PTPRG: variants seen among roughly 807,000 people sequenced by gnomAD.
PTPRG encodes receptor-type tyrosine-protein phosphatase gamma.
A neutral mutation model predicts 165.3 loss-of-function variants in PTPRG; 102 were observed. That is an observed-to-expected ratio of 0.62 (90% CI 0.53 to 0.73). The LOEUF (loss-of-function observed/expected upper bound fraction) is 0.73. Ranked by LOEUF, PTPRG falls within the 30% of genes least tolerant of loss-of-function variation. The pLI is 0.00. For synonymous variants in PTPRG, 675 were observed against 669.5 expected, an observed-to-expected ratio of 1.01 and a Z score of -0.13; for missense variants, 1,866 against 1,861.4, an observed-to-expected ratio of 1.00 and a Z score of -0.05.
At chr3:61,995,328 A>G (rs903571423) in intron 3 of PTPRG, among the ~76,000 whole-genome samples, 1 of 151,902 alleles carries the variant, frequency 6.6e-6, no homozygotes, top group African/African-American at 2.4e-5. Context: ...GCCTCAAGCA[A>G]TCTGCCCCAC....
chr3:62,006,094 A>G (rs1482807579), intron 4 of PTPRG, among the ~76,000 whole-genome samples: 1 of 152,162 alleles, frequency 6.6e-6, no homozygotes, highest in East Asian at 1.9e-4. Flanking sequence ...GAAGCTAATT[A>G]GAAATGGCAG....
In PTPRG at chr3:62,282,852, C is replaced by T. The variant is rs1199413316; in HGVS notation, c.4038C>T (p.Pro1346=). ...AAGAGGCCTTAACAAGGGATGGTCC[C>T]ACCATTGTTCATGATGAGTATGTAT... ...IKEEALTRDG[P]TIVHDEYGAV... is the part of the protein sequence containing the mutation. The change falls in exon 28 of 30, where the codon CCC becomes CCT. Residue 1346 remains proline, a synonymous_variant. Coordinates refer to ENST00000474889, the MANE Select transcript of PTPRG (RefSeq NM_002841.4). 4 of 1,608,306 alleles carry T rather than the reference C, an allele frequency of 2.5e-6. No individual in the cohort carries two copies. Among genetic ancestry groups the T allele is most frequent in the African/African-American group, 2.7e-5 (2 of 74,536 alleles).
rs1700402716 is a variant in PTPRG, at chr3:62,213,070, A to G, written c.2156-5781A>G. Among the ~76,000 whole-genome samples the G allele has an allele frequency of 6.6e-6, 1 of 152,188 alleles. No individual in the cohort carries two copies. Among genetic ancestry groups the G allele is most frequent in the African/African-American group, 2.4e-5 (1 of 41,462 alleles). ...CATGGAGGGAAGCAAACCCCCAGTA[A>G]CTGGGCAGCTCAGTTCTGCTGGACC... On this transcript the variant is annotated intron_variant, in intron 12 of 29. Coordinates refer to ENST00000474889, the MANE Select transcript of PTPRG (RefSeq NM_002841.4). The surrounding 1 kb of genome is among the most constrained non-coding windows in gnomAD (Gnocchi z 4.4).
rs1241805114 is a variant in PTPRG at position 62,195,650 on chromosome 3, G to T, written c.1327+480G>T. ...TTGAGATTCCTGGATCTAGATAGATGGTCCTGATGACTTAGGGACTAATAG... is the reference window on the plus strand; with the variant it reads ...TTGAGATTCCTGGATCTAGATAGATTGTCCTGATGACTTAGGGACTAATAG... On this transcript the variant is annotated intron_variant, in intron 10 of 29. Coordinates refer to ENST00000474889, the MANE Select transcript of PTPRG (RefSeq NM_002841.4). The surrounding 1 kb of genome is among the most constrained non-coding windows in gnomAD (Gnocchi z 4.4). Among the ~76,000 whole-genome samples, 2 of 152,154 alleles carry T rather than the reference G, an allele frequency of 1.3e-5. No homozygotes were observed. Among genetic ancestry groups the T allele is most frequent in the Non-Finnish European group, 2.9e-5 (2 of 68,042 alleles).
chr3:62,126,734 G>T (rs964912695), intron 5 of PTPRG, among the ~76,000 whole-genome samples: 1 of 152,190 alleles, frequency 6.6e-6, no homozygotes, highest in African/African-American at 2.4e-5. Context: ...ATCCACACTT[G>T]GTTACTCATC....
chr3:62,078,246 C>A lies in PTPRG; in HGVS notation c.603C>A (p.Ala201=). The A allele has an allele frequency of 6.3e-7, 1 of 1,591,916 alleles. No individual in the cohort carries two copies. The highest frequency in any genetic ancestry group is 1.2e-5 in the South Asian group (1 of 86,882). Reference sequence around the variant, plus strand: ...AGAACAGAATAATCGGAGCCATGGCCATATTTTTTCAAGTAAGTTAACAGT... The same window carrying A: ...AGAACAGAATAATCGGAGCCATGGCAATATTTTTTCAAGTAAGTTAACAGT... ...ISENRIIGAM[A]IFFQVSPRDN... Residue 201 remains alanine, a synonymous_variant, in exon 5 of 30, where the codon GCC becomes GCA. Coordinates refer to ENST00000474889, the MANE Select transcript of PTPRG (RefSeq NM_002841.4).
Position 61,735,033 on chromosome 3 carries a change from A to G in PTPRG, c.86-13845A>G, listed in dbSNP as rs73099196. Among the ~76,000 whole-genome samples, 668 of 152,268 alleles carry G rather than the reference A, an allele frequency of 4.4e-3. 4 individuals carry two copies. Among genetic ancestry groups the G allele is most frequent in the South Asian group, 0.013 (64 of 4,816 alleles). On this transcript the variant is annotated intron_variant, in intron 1 of 29. Coordinates refer to ENST00000474889, the MANE Select transcript of PTPRG (RefSeq NM_002841.4). ...AAAAAAGAGAAAGGAAACAAACCCC[A>G]CTTTTTTAATAGCTGCAGTTTCTTC...
chr3:61,991,851 G>T (rs1344577275), intron 3 of PTPRG, among the ~76,000 whole-genome samples: 2 of 152,168 alleles, frequency 1.3e-5, no homozygotes, highest in African/African-American at 2.4e-5. Context: ...TTTCAGCTTC[G>T]TATCACCAAT....
intron 1 of PTPRG, among the ~76,000 whole-genome samples, chr3:61,562,764 TG>T (rs1204004237): frequency 6.6e-6 from 1 of 151,664 alleles, no homozygotes; most frequent in African/African-American, 2.4e-5. Context: ...TCTGTGGGTT[TG>T]GGGGGCCCGG....
intron 1 of PTPRG, among the ~76,000 whole-genome samples, chr3:61,649,497 A>G (rs1037639834): frequency 3.3e-5 from 5 of 152,184 alleles, no homozygotes; most frequent in Non-Finnish European, 7.3e-5. Flanking sequence ...CAGAAGTGGA[A>G]AAACAAGTGA....
intron 6 of PTPRG, among the ~76,000 whole-genome samples, chr3:62,138,048 C>G (rs760535610): frequency 3.3e-5 from 5 of 152,210 alleles, no homozygotes; most frequent in Non-Finnish European, 5.9e-5. Context: ...GCTCTCTTCT[C>G]TTTTGCAGAA....
chr3:62,002,116 A>G (rs2041185081), intron 3 of PTPRG, among the ~76,000 whole-genome samples: 1 of 152,336 alleles, frequency 6.6e-6, no homozygotes, highest in Non-Finnish European at 1.5e-5. Flanking sequence ...TTTGAATGCA[A>G]TAAAAAGGGA....
rs537743302 is a variant in PTPRG at position 62,168,098 on chromosome 3, G to A, written c.968G>A (p.Arg323His). Reference sequence around the variant, plus strand: ...AGGGTGGTGTCCAAGTCCGCCGTCCGTGACTCCTGGAACCACGACATGACA... The same window carrying A: ...AGGGTGGTGTCCAAGTCCGCCGTCCATGACTCCTGGAACCACGACATGACA... Reference protein sequence around the residue: ...HDRVVSKSAVRDSWNHDMTDF... With the variant: ...HDRVVSKSAVHDSWNHDMTDF... The change falls in exon 8 of 30, where the codon CGT becomes CAT. Residue 323 changes from arginine to histidine, a missense_variant. Transcript: ENST00000474889. 59 of 1,613,944 alleles carry A rather than the reference G, an allele frequency of 3.7e-5. No individual in the cohort carries two copies. The highest frequency in any genetic ancestry group is 3.3e-4 in the Admixed American group (20 of 59,988).
Position 62,268,937 on chromosome 3 carries a change from A to G in PTPRG, c.2875-98A>G, listed in dbSNP as rs550744509. The stretch of plus-strand genomic sequence containing the variant: ...TCCTTTTTCAGTCAACTAAATGGCA[A>G]TCTCACCTGTGTTTTAACATTGTCG... On this transcript the variant is annotated intron_variant, in intron 19 of 29. Coordinates refer to ENST00000474889, the MANE Select transcript of PTPRG (RefSeq NM_002841.4). The G allele has an allele frequency of 8.8e-5, 115 of 1,312,960 alleles. 1 individual carries two copies. The South Asian group carries it at 1.6e-3, about 19-fold the overall frequency. The allele number at this position is 1,312,960 out of a possible 1,614,324, so 81.3% of individuals were successfully genotyped here.
intron 2 of PTPRG, among the ~76,000 whole-genome samples, chr3:61,835,631 C>G (rs2036434554): frequency 6.6e-6 from 1 of 152,090 alleles, no homozygotes; most frequent in African/African-American, 2.4e-5. Flanking sequence ...CACGCCCAGC[C>G]CGTTCCTGCT....
intron 1 of PTPRG, among the ~76,000 whole-genome samples, chr3:61,696,449 C>T (rs1377021292): frequency 6.6e-6 from 1 of 152,178 alleles, no homozygotes; most frequent in African/African-American, 2.4e-5. Flanking sequence ...TTGCATTGAG[C>T]TGAGATCACA....
At chr3:61,812,876 C>T (rs1291586441) in intron 2 of PTPRG, among the ~76,000 whole-genome samples, 4 of 152,316 alleles carry the variant, frequency 2.6e-5, no homozygotes, top group East Asian at 1.9e-4. Flanking sequence ...TTAATGTGCT[C>T]CTACTGGTTT....
intron 2 of PTPRG, among the ~76,000 whole-genome samples, chr3:61,891,740 C>T (rs1360126862): frequency 6.6e-6 from 1 of 152,192 alleles, no homozygotes; most frequent in East Asian, 1.9e-4. Flanking sequence ...AGCCATTATA[C>T]ACAAAGTACT....
At chr3:61,857,255 G>C (rs2037134945) in intron 2 of PTPRG, among the ~76,000 whole-genome samples, 1 of 152,088 alleles carries the variant, frequency 6.6e-6, no homozygotes, top group Non-Finnish European at 1.5e-5. Context: ...TCAATGACTT[G>C]CTCAAGTTCA....
Sources: gnomAD v4.1 joint callset for allele counts (sites outside exome capture counted in the v4.1 genomes callset) on GRCh38, gnomAD v4.1.1 for gene constraint, Gnocchi (gnomAD v3.1) non-coding constraint, MANE v1.5 for transcripts, NCBI Gene and HGNC (gene_info 2026-07-23, HGNC 2026-07-21) for gene names.